Variants in ARHGAP22 observed in about 807,000 individuals in gnomAD.
ARHGAP22 encodes the protein Rho GTPase activating protein 22.
Under a neutral mutation model 59.1 loss-of-function variants are expected in ARHGAP22, and 48 were observed. The ratio of observed to expected loss-of-function variants is 0.81; its 90% CI spans 0.64 to 1.03. The LOEUF (loss-of-function observed/expected upper bound fraction) is 1.03. Among genes scored for constraint, ARHGAP22 ranks in the 50% least tolerant of loss-of-function variants. ARHGAP22 has a pLI of 0.00. For synonymous variants in ARHGAP22, 445 were observed against 416.4 expected, an observed-to-expected ratio of 1.07 and a Z score of -0.84; for missense variants, 1,015 against 958.7, an observed-to-expected ratio of 1.06 and a Z score of -0.78.
At chr10:48,455,261 G>C (rs2046378913) in intron 5 of ARHGAP22, 127 bp from the exon 6 acceptor site, 2 of 1,138,432 alleles carry the variant, frequency 1.8e-6, no homozygotes, top group Non-Finnish European at 2.4e-6. Flanking sequence ...ACTGGGGGCT[G>C]CATCTGCGGC....
intron 3 of ARHGAP22, among the ~76,000 whole-genome samples, chr10:48,507,501 G>C (rs1165287799): frequency 6.6e-6 from 1 of 152,180 alleles, no homozygotes; most frequent in Non-Finnish European, 1.5e-5. Flanking sequence ...GGAAATGCCA[G>C]GACTCAGAAA....
At chr10:48,575,934 C>T (rs904784012) in intron 2 of ARHGAP22, among the ~76,000 whole-genome samples, 1 of 152,224 alleles carries the variant, frequency 6.6e-6, no homozygotes, top group Non-Finnish European at 1.5e-5. Flanking sequence ...TCCTGGTCAG[C>T]CCCTATCTGT....
chr10:48,567,540 G>A (rs1023664310), intron 2 of ARHGAP22, among the ~76,000 whole-genome samples: 3 of 152,152 alleles, frequency 2.0e-5, no homozygotes, highest in African/African-American at 7.2e-5. Flanking sequence ...AGGGAGGAGA[G>A]GCCAAGGTGC....
intron 2 of ARHGAP22, among the ~76,000 whole-genome samples, chr10:48,578,399 T>C (rs1050841250): frequency 6.6e-6 from 1 of 152,118 alleles, no homozygotes; most frequent in African/African-American, 2.4e-5. Context: ...AAACATCCTC[T>C]AGTGCTGTAT....
chr10:48,605,177 G>C (rs2060616991), upstream of ARHGAP22: 1 of 1,124,882 alleles, frequency 8.9e-7, no homozygotes. Flanking sequence ...GCCAGCCAGA[G>C]ACGCGGGGCG....
chr10:48,586,928 C>T (rs1371950320), intron 1 of ARHGAP22, among the ~76,000 whole-genome samples: 1 of 152,206 alleles, frequency 6.6e-6, no homozygotes, highest in African/African-American at 2.4e-5. Flanking sequence ...CCATAGGAGC[C>T]CCAGACCTTC....
intron 1 of ARHGAP22, among the ~76,000 whole-genome samples, chr10:48,648,790 G>A (rs1344656105): frequency 6.6e-6 from 1 of 152,176 alleles, no homozygotes; most frequent in Non-Finnish European, 1.5e-5. Context: ...GGGAGCGTGG[G>A]GTGCTTGGCA....
intron 2 of ARHGAP22, among the ~76,000 whole-genome samples, chr10:48,572,532 T>C (rs2058462647): frequency 6.6e-6 from 1 of 152,238 alleles, no homozygotes; most frequent in African/African-American, 2.4e-5. Context: ...CTGCAATGCA[T>C]TTAAATGTTA....
At chr10:48,559,756 A>T (rs76246842) in intron 2 of ARHGAP22, among the ~76,000 whole-genome samples, 2,496 of 152,254 alleles carry the variant, frequency 0.016, 80 homozygotes, top group African/African-American at 0.057. Flanking sequence ...TTTATTTAAC[A>T]TATTTATTTA....
chr10:48,455,141 G>T lies in ARHGAP22; in HGVS notation c.660-7C>A, dbSNP rs72796308. On this transcript the variant is annotated splice_region_variant and splice_polypyrimidine_tract_variant and intron_variant, in intron 5 of 9. Transcript: ENST00000249601. ...CGTGTGCACGTCTGTTGTGCTGTGGGGGGGAAGAGGACAGGTGTGTGAGGC... is the reference window on the plus strand; with the variant it reads ...CGTGTGCACGTCTGTTGTGCTGTGGTGGGGAAGAGGACAGGTGTGTGAGGC... 1.9e-6 allele frequency: 3 copies of T among 1,602,732 alleles called. No homozygotes were observed. Among genetic ancestry groups the T allele is most frequent in the African/African-American group, 1.3e-5 (1 of 74,812 alleles).
At chr10:48,549,816 CACTATCTCT>C (rs1164750723) in intron 3 of ARHGAP22, among the ~76,000 whole-genome samples, 1 of 152,018 alleles carries the variant, frequency 6.6e-6, no homozygotes, top group Non-Finnish European at 1.5e-5. Flanking sequence ...CTAAGTCCCC[CACTATCTCT>C]ACACCAGGGG....
At chr10:48,433,534 C>A in the ARHGAP22 span, among the ~76,000 whole-genome samples, 48 of 152,208 alleles carry the variant, frequency 3.2e-4, no homozygotes, top group African/African-American at 1.2e-3. Flanking sequence ...AGGAGATTAT[C>A]ACCTCTTTTA....
intron 1 of ARHGAP22, among the ~76,000 whole-genome samples, chr10:48,612,101 G>A (rs764546471): frequency 3.3e-5 from 5 of 151,086 alleles, no homozygotes; most frequent in Non-Finnish European, 7.4e-5. Flanking sequence ...GATTACAGGC[G>A]TGAGCCACCA....
upstream of ARHGAP22, chr10:48,656,217 G>C (rs1030471875): frequency 1.4e-5 from 2 of 146,862 alleles, no homozygotes; most frequent in Admixed American, 1.4e-4. Context: ...ATGCAGCCTG[G>C]GCCCCGCATC....
intron 1 of ARHGAP22, among the ~76,000 whole-genome samples, chr10:48,641,173 G>A (rs1459300787): frequency 6.6e-6 from 1 of 151,926 alleles, no homozygotes; most frequent in African/African-American, 2.4e-5. Context: ...GAGGGTAAAA[G>A]AAAAACAGGA....
chr10:48,542,326 G>T (rs927142114), intron 3 of ARHGAP22, among the ~76,000 whole-genome samples: 4 of 152,244 alleles, frequency 2.6e-5, no homozygotes, highest in Non-Finnish European at 4.4e-5. Flanking sequence ...CATGTGCTCA[G>T]TGACACCCTT....
the ARHGAP22 span, chr10:48,429,891 AT>A: frequency 6.6e-6 from 1 of 152,098 alleles, no homozygotes; most frequent in African/African-American, 2.4e-5. Flanking sequence ...TCGATGCAAT[AT>A]TTTTTGTTTG....
At chr10:48,493,365 C>T (rs2050599120) in intron 3 of ARHGAP22, 1 of 1,427,552 alleles carries the variant, frequency 7.0e-7, no homozygotes, top group African/African-American at 1.4e-5. Flanking sequence ...ACTTCCCTTT[C>T]AAGGGTTAAT....
rs181514089 is a variant in ARHGAP22, at chr10:48,516,346, G to A, written c.323-36582C>T. Reference sequence around the variant, plus strand: ...TTGAGACGAGCTTGGGCAACACAATGAGACCCCATCTCTAAACTTTTTTTC... The same window carrying A: ...TTGAGACGAGCTTGGGCAACACAATAAGACCCCATCTCTAAACTTTTTTTC... On this transcript the variant is annotated intron_variant, in intron 3 of 9. Transcript: ENST00000249601. 1.9e-4 allele frequency among the ~76,000 whole-genome samples: 29 copies of A among 152,170 alleles called. No homozygotes were observed. In the East Asian group the frequency reaches 5.4e-3, roughly 28 times the overall value.
Sources: allele counts gnomAD v4.1 joint callset (sites outside exome capture counted in the v4.1 genomes callset), GRCh38; gene constraint gnomAD v4.1.1; transcripts MANE v1.5; gene names NCBI Gene and HGNC (gene_info 2026-07-23, HGNC 2026-07-21).